Variants in RASGRF2 observed in about 807,000 individuals in gnomAD.
RASGRF2 encodes the protein ras-specific guanine nucleotide-releasing factor 2.
In RASGRF2, 76 loss-of-function variants were observed where a neutral mutation model predicts 151.0. That is an observed-to-expected ratio of 0.50 (90% CI 0.42 to 0.61). The LOEUF is 0.61. RASGRF2 is among the 20% of genes least tolerant of loss of function. The probability of loss-of-function intolerance (pLI) is 0.00; values close to 1 mark genes in which losing one functional copy is unlikely to be tolerated. For missense variants in RASGRF2, 1,148 were observed against 1,564.6 expected (o/e 0.73, Z 4.49); for synonymous variants, 504 against 566.5 (o/e 0.89, Z 1.57).
intron 17 of RASGRF2, among the ~76,000 whole-genome samples, chr5:81,147,660 C>G (rs1426217261): frequency 3.3e-5 from 5 of 152,156 alleles, no homozygotes; most frequent in Non-Finnish European, 7.3e-5. Context: ...TCAGATATTA[C>G]TGGATCATCA....
intron 17 of RASGRF2, among the ~76,000 whole-genome samples, chr5:81,166,938 G>C (rs1754525683): frequency 6.6e-6 from 1 of 152,190 alleles, no homozygotes; most frequent in Non-Finnish European, 1.5e-5. Flanking sequence ...GGAAAAGAAT[G>C]AGGACGAAAC....
intron 17 of RASGRF2, among the ~76,000 whole-genome samples, chr5:81,134,619 A>G (rs1167934212): frequency 6.6e-6 from 1 of 152,172 alleles, no homozygotes; most frequent in Non-Finnish European, 1.5e-5. Context: ...GTTGATTCTG[A>G]TACATACTAA....
At chr5:81,189,554 G>A (rs1382999889) in intron 18 of RASGRF2, among the ~76,000 whole-genome samples, 15 of 150,550 alleles carry the variant, frequency 1.0e-4, no homozygotes, top group African/African-American at 2.7e-4. Flanking sequence ...GCAGTGGTGC[G>A]ATCGTAGCTC....
intron 1 of RASGRF2, among the ~76,000 whole-genome samples, chr5:81,032,299 G>A (rs1323211686): frequency 6.6e-6 from 1 of 152,164 alleles, no homozygotes; most frequent in Non-Finnish European, 1.5e-5. Flanking sequence ...CATTTTATGA[G>A]GCTAGCATCA....
intron 3 of RASGRF2, 182 bp from the exon 4 acceptor site, chr5:81,070,310 A>G: frequency 1.8e-6 from 1 of 555,740 alleles, no homozygotes; most frequent in Non-Finnish European, 3.3e-6. Context: ...TTCATTGGTG[A>G]TACCATGCTT....
rs534995044 is a variant in RASGRF2 at position 81,142,683 on chromosome 5, G to A, written c.2686+15520G>A. Among the ~76,000 whole-genome samples, 7 of 152,240 alleles carry A rather than the reference G, an allele frequency of 4.6e-5. No homozygotes were observed. In the South Asian group the frequency reaches 8.3e-4, roughly 18 times the overall value. ...TTCATGGAGATACATCCTCTTGCTA[G>A]GACAGGCTATGTGCTTTGCAGCACC... On this transcript the variant is annotated intron_variant, in intron 17 of 26. Coordinates refer to ENST00000265080, the MANE Select transcript of RASGRF2 (RefSeq NM_006909.3).
chr5:81,126,065 T>G (rs1346540336), intron 16 of RASGRF2, among the ~76,000 whole-genome samples: 1 of 152,252 alleles, frequency 6.6e-6, no homozygotes, highest in Non-Finnish European at 1.5e-5. Flanking sequence ...TGTGTATTTA[T>G]TTTAGGCATG....
intron 17 of RASGRF2, among the ~76,000 whole-genome samples, chr5:81,127,923 C>CAAAAAAAAAAAAAAAAAA (rs60196392): frequency 9.1e-4 from 59 of 64,798 alleles, no homozygotes; most frequent in Middle Eastern, 0.015. Flanking sequence ...GACTCCGTCT[C>CAAAAAAAAAAAAAAAAAA]AAAAAAAAAA....
chr5:81,066,892 C>G lies in RASGRF2; in HGVS notation c.396-1140C>G, dbSNP rs922484444. Among the ~76,000 whole-genome samples, 14 of 152,302 alleles carry G rather than the reference C, an allele frequency of 9.2e-5. 1 individual carries two copies. The highest frequency in any genetic ancestry group is 3.1e-4 in the African/African-American group (13 of 41,568). ...GTGGTATAAACATGGCTTGCCATGG[C>G]CCAAGTTCCCAAAGAGGAGGTAAGT... is the stretch of plus-strand genomic sequence containing the variant. On this transcript the variant is annotated intron_variant, in intron 2 of 26. Coordinates refer to ENST00000265080, the MANE Select transcript of RASGRF2 (RefSeq NM_006909.3).
intron 1 of RASGRF2, among the ~76,000 whole-genome samples, chr5:80,961,317 A>G (rs1747548094): frequency 6.6e-6 from 1 of 151,352 alleles, no homozygotes; most frequent in Non-Finnish European, 1.5e-5. Context: ...TCTGCCAACC[A>G]TCTATTGCTT....
intron 1 of RASGRF2, among the ~76,000 whole-genome samples, chr5:81,010,434 T>G (rs1300213947): frequency 6.6e-6 from 1 of 152,176 alleles, no homozygotes; most frequent in African/African-American, 2.4e-5. Context: ...AGAACTGAAT[T>G]ATTTGTTATG....
chr5:81,182,949 T>G (rs543928984), intron 18 of RASGRF2, among the ~76,000 whole-genome samples: 1 of 152,334 alleles, frequency 6.6e-6, no homozygotes, highest in African/African-American at 2.4e-5. Flanking sequence ...CTCACCCTTA[T>G]TGTTTTTGGT....
At position 81,226,307 on chromosome 5, in the gene RASGRF2, G is replaced by GTA. The variant is rs1320856664; in HGVS notation, c.*538_*539insAT. On this transcript the variant is annotated 3_prime_UTR_variant, in exon 27 of 27. Coordinates refer to ENST00000265080, the MANE Select transcript of RASGRF2 (RefSeq NM_006909.3). Reference sequence around the variant, plus strand: ...GTCTACAGCATGTGCATGGTTGTCAGTGCATTCTAAATATTTCTATGTGAG... The same window carrying GTA: ...GTCTACAGCATGTGCATGGTTGTCAGTATGCATTCTAAATATTTCTATGTGAG... The GTA allele has an allele frequency of 2.0e-5, 3 of 152,324 alleles. No homozygotes were observed. Among genetic ancestry groups the GTA allele is most frequent in the African/African-American group, 7.2e-5 (3 of 41,462 alleles). The allele number at this position is 152,324 out of a possible 1,614,324, so 9.4% of individuals were successfully genotyped here.
At chr5:81,224,287 G>A (rs116830227) in intron 26 of RASGRF2, among the ~76,000 whole-genome samples, 1 of 152,202 alleles carries the variant, frequency 6.6e-6, no homozygotes, top group Non-Finnish European at 1.5e-5. Flanking sequence ...AAATTTAAAA[G>A]ATTGATAATA....
intron 2 of RASGRF2, among the ~76,000 whole-genome samples, chr5:81,056,749 T>C (rs1187543012): frequency 1.3e-5 from 2 of 152,176 alleles, no homozygotes; most frequent in Non-Finnish European, 2.9e-5. Context: ...CCCATTATTA[T>C]TGTGTGGAAG....
intron 9 of RASGRF2, among the ~76,000 whole-genome samples, chr5:81,092,455 A>G (rs1284866737): frequency 6.6e-6 from 1 of 152,160 alleles, no homozygotes; most frequent in African/African-American, 2.4e-5. Context: ...TATGTATGTT[A>G]TTATTAAATA....
At chr5:81,107,238 T>G (rs919105284) in intron 12 of RASGRF2, among the ~76,000 whole-genome samples, 6 of 150,430 alleles carry the variant, frequency 4.0e-5, no homozygotes, top group African/African-American at 1.5e-4. Flanking sequence ...AGCACACACC[T>G]GTAGTCCCAG....
intron 1 of RASGRF2, among the ~76,000 whole-genome samples, chr5:80,961,687 T>C (rs550908415): frequency 3.9e-5 from 6 of 152,344 alleles, no homozygotes; most frequent in African/African-American, 1.4e-4. Flanking sequence ...ATGTGGGCAT[T>C]TTTAAAGAAC....
At chr5:81,146,928 A>G (rs991969002) in intron 17 of RASGRF2, among the ~76,000 whole-genome samples, 4 of 152,166 alleles carry the variant, frequency 2.6e-5, no homozygotes, top group African/African-American at 9.7e-5. Context: ...TTCTGTGTAC[A>G]CACAGTACCA....
Sources: gnomAD v4.1 joint callset for allele counts (sites outside exome capture counted in the v4.1 genomes callset) on GRCh38, gnomAD v4.1.1 for gene constraint, MANE v1.5 for transcripts, NCBI Gene and HGNC (gene_info 2026-07-23, HGNC 2026-07-21) for gene names.